ZNF665: variants seen among roughly 807,000 people sequenced by gnomAD.
ZNF665 encodes the protein zinc finger protein 665.
Under a neutral mutation model 7.9 loss-of-function variants are expected in ZNF665, and 6 were observed. The ratio of observed to expected loss-of-function variants is 0.76; its 90% CI spans 0.42 to 1.50. The LOEUF is 1.50. ZNF665 is among the 40% of genes most tolerant of loss of function. ZNF665 has a pLI of 0.01. For synonymous variants in ZNF665, 242 were observed against 274.5 expected, an observed-to-expected ratio of 0.88 and a Z score of 1.17; for missense variants, 819 against 806.7, an observed-to-expected ratio of 1.02 and a Z score of -0.18.
At chr19:53,184,339 T>C (rs1018300869) in intron 1 of ZNF665, among the ~76,000 whole-genome samples, 2 of 152,162 alleles carry the variant, frequency 1.3e-5, no homozygotes, top group Admixed American at 6.5e-5. Context: ...GCAAATAATG[T>C]CATATCTTCT....
intron 3 of ZNF665, among the ~76,000 whole-genome samples, chr19:53,166,633 C>T (rs1340585472): frequency 6.6e-6 from 1 of 152,148 alleles, no homozygotes; most frequent in Non-Finnish European, 1.5e-5. Flanking sequence ...ATTTTTCAAC[C>T]ATGACCCAAG....
chr19:53,189,852 TC>T (rs1190669902), intron 1 of ZNF665, among the ~76,000 whole-genome samples: 2 of 151,768 alleles, frequency 1.3e-5, no homozygotes, highest in African/African-American at 4.8e-5. Flanking sequence ...TAGACCACGG[TC>T]CGCCTGGCAA....
chr19:53,183,980 T>G (rs570003052), intron 1 of ZNF665, among the ~76,000 whole-genome samples: 1 of 152,218 alleles, frequency 6.6e-6, no homozygotes, highest in Non-Finnish European at 1.5e-5. Flanking sequence ...CTGGGCGCAG[T>G]GGCTCTTGCC....
chr19:53,190,352 A>G (rs1448491977), intron 1 of ZNF665: 1 of 152,224 alleles, frequency 6.6e-6, no homozygotes, highest in African/African-American at 2.4e-5. Flanking sequence ...TAAACTGTTC[A>G]TACTATTGTC....
chr19:53,167,428 G>A (rs371549025), intron 3 of ZNF665, among the ~76,000 whole-genome samples: 8 of 151,406 alleles, frequency 5.3e-5, no homozygotes, highest in African/African-American at 1.9e-4. Flanking sequence ...TTTACAGGAA[G>A]TTATAGTCTG....
rs183628798 is a variant in ZNF665, at chr19:53,184,120, C to T, written c.-45-1177G>A. Among the ~76,000 whole-genome samples the T allele has an allele frequency of 8.6e-5, 13 of 151,996 alleles. No individual in the cohort carries two copies. In the South Asian group the frequency reaches 1.0e-3, roughly 12 times the overall value. ...CAAAATTTAGTCAGGTGTGTTGGTA[C>T]GTGCCTGTAGTCCCAGCTACTTGGG... On this transcript the variant is annotated intron_variant, in intron 1 of 3. Transcript: ENST00000396424.
intron 1 of ZNF665, among the ~76,000 whole-genome samples, chr19:53,189,039 A>G (rs1046358562): frequency 8.4e-6 from 1 of 119,428 alleles, no homozygotes; most frequent in Non-Finnish European, 1.7e-5. Context: ...TGAGAAAGAA[A>G]GGCTTTATTT....
Position 53,165,730 on chromosome 19 carries a change from T to G in ZNF665, c.760A>C (p.Arg254=). The G allele has an allele frequency of 6.2e-7, 1 of 1,614,192 alleles. No homozygotes were observed. Among genetic ancestry groups the G allele is most frequent in the Non-Finnish European group, 8.5e-7 (1 of 1,180,036 alleles). ...SQPSNLAGHQ[R]IHTGEKPYKC... is the part of the protein sequence containing the mutation. ...TAAGGTTTCTCTCCAGTATGAATTC[T>G]CTGATGACCTGCAAGGTTTGAAGGT... Residue 254 remains arginine (R), a synonymous_variant, in exon 4 of 4, where the codon AGA becomes CGA. Transcript: ENST00000396424.
intron 2 of ZNF665, chr19:53,181,992 G>C (rs1486796619): frequency 6.6e-6 from 1 of 152,268 alleles, no homozygotes; most frequent in Non-Finnish European, 1.5e-5. Flanking sequence ...TCTCCTGGGA[G>C]AGGAAAAGTA....
chr19:53,177,804 C>T (rs2090709875), intron 2 of ZNF665, among the ~76,000 whole-genome samples: 1 of 152,138 alleles, frequency 6.6e-6, no homozygotes. Context: ...ATTTTAAATC[C>T]TTTACGTGTA....
intron 3 of ZNF665, among the ~76,000 whole-genome samples, chr19:53,174,254 A>C (rs2146856747): frequency 6.6e-6 from 1 of 152,288 alleles, no homozygotes; most frequent in African/African-American, 2.4e-5. Flanking sequence ...AAAGGGACTA[A>C]GAGTTCATAG....
chr19:53,167,252 C>T (rs1479576781), intron 3 of ZNF665, among the ~76,000 whole-genome samples: 1 of 152,114 alleles, frequency 6.6e-6, no homozygotes, highest in African/African-American at 2.4e-5. Flanking sequence ...CCCCCCGCCT[C>T]AGCCTCCCAA....
At chr19:53,175,617 G>C (rs557609672) in intron 2 of ZNF665, 46 bp from the exon 3 acceptor site, 1 of 1,561,902 alleles carries the variant, frequency 6.4e-7, no homozygotes, top group Non-Finnish European at 8.6e-7. Context: ...AGGAAAATTT[G>C]AATCTTCACA....
intron 1 of ZNF665, among the ~76,000 whole-genome samples, chr19:53,184,024 T>C (rs1599884148): frequency 6.6e-6 from 1 of 152,014 alleles, no homozygotes; most frequent in Non-Finnish European, 1.5e-5. Context: ...CAGAGGTGGG[T>C]GGACTGCTTG....
intron 3 of ZNF665, among the ~76,000 whole-genome samples, chr19:53,173,937 C>T (rs1403879304): frequency 1.3e-5 from 2 of 152,090 alleles, no homozygotes; most frequent in East Asian, 3.9e-4. Flanking sequence ...CAACCCACTC[C>T]CCTTGTCACC....
chr19:53,189,708 G>A (rs1308088952), intron 1 of ZNF665, among the ~76,000 whole-genome samples: 4 of 148,606 alleles, frequency 2.7e-5, no homozygotes, highest in South Asian at 2.2e-4. Flanking sequence ...AACTGCGGGC[G>A]AGCCTGACTG....
chr19:53,173,414 C>T (rs1243023293), intron 3 of ZNF665, among the ~76,000 whole-genome samples: 2 of 112,072 alleles, frequency 1.8e-5, no homozygotes, highest in African/African-American at 7.3e-5. Flanking sequence ...CTCGTTCTGT[C>T]GCCAGGCTGG....
chr19:53,172,811 C>A (rs182655552), intron 3 of ZNF665, among the ~76,000 whole-genome samples: 1 of 107,966 alleles, frequency 9.3e-6, no homozygotes. Flanking sequence ...GGTGACAGAG[C>A]GAGATTCTGT....
intron 1 of ZNF665, among the ~76,000 whole-genome samples, chr19:53,190,803 G>A (rs910403485): frequency 4.6e-5 from 7 of 152,116 alleles, no homozygotes; most frequent in African/African-American, 1.2e-4. Context: ...GTGTGGTGGC[G>A]GACGCCTGTA....
Sources: gnomAD v4.1 joint callset for allele counts (sites outside exome capture counted in the v4.1 genomes callset) on GRCh38, gnomAD v4.1.1 for gene constraint, MANE v1.5 for transcripts, NCBI Gene and HGNC (gene_info 2026-07-23, HGNC 2026-07-21) for gene names.